Variants in UBE2J2 observed in about 807,000 individuals in gnomAD.
The protein encoded by UBE2J2 is ubiquitin conjugating enzyme E2 J2.
In UBE2J2, 5 loss-of-function variants were observed where a neutral mutation model predicts 28.6. That is an observed-to-expected ratio of 0.17 (90% confidence interval 0.09 to 0.37). UBE2J2 has a LOEUF of 0.37. Among genes scored for constraint, UBE2J2 ranks in the 10% least tolerant of loss-of-function variants. The probability of loss-of-function intolerance (pLI) is 1.00; values close to 1 mark genes in which losing one functional copy is unlikely to be tolerated. For missense variants in UBE2J2, 226 were observed against 338.9 expected, an observed-to-expected ratio of 0.67 and a Z score of 2.62; for synonymous variants, 138 against 139.7, an observed-to-expected ratio of 0.99 and a Z score of 0.09.
chr1:1,270,647 G>A (rs1208405348), intron 1 of UBE2J2, among the ~76,000 whole-genome samples: 1 of 152,160 alleles, frequency 6.6e-6, no homozygotes, highest in Non-Finnish European at 1.5e-5. Context: ...CGTGGGTCCA[G>A]AAGGTCTGAG....
chr1:1,268,824 C>T lies in UBE2J2; in HGVS notation c.1-832G>A, dbSNP rs1557567193. On this transcript the variant is annotated intron_variant, in intron 1 of 6. Transcript: ENST00000349431. This position sits in a 1 kb window ranked among gnomAD's most constrained non-coding sequence, Gnocchi z 4.7. Reference sequence around the variant, plus strand: ...TCCTGAGTAGCTGAGACTACAGACGCATGCCACCACGCCTAGCTAATTTTT... The same window carrying T: ...TCCTGAGTAGCTGAGACTACAGACGTATGCCACCACGCCTAGCTAATTTTT... Among the ~76,000 whole-genome samples the T allele has an allele frequency of 6.6e-6, 1 of 152,052 alleles. No individual in the cohort carries two copies. The highest frequency in any genetic ancestry group is 1.5e-5 in the Non-Finnish European group (1 of 68,028).
intron 2 of UBE2J2, chr1:1,266,019 G>GGGGA: frequency 7.7e-7 from 1 of 1,291,878 alleles, no homozygotes; most frequent in Non-Finnish European, 1.0e-6. Flanking sequence ...ACAGATTTGT[G>GGGGA]GGGAGGGATT....
intron 5 of UBE2J2, 103 bp downstream of exon 5, chr1:1,256,889 A>AG (rs1557549097): frequency 1.2e-3 from 192 of 157,182 alleles, no homozygotes; most frequent in Middle Eastern, 0.011. Context: ...CCGTCTCAAG[A>AG]AAAAAAAAAA....
rs1046521503 is a variant in UBE2J2 at position 1,255,002 on chromosome 1, G to A, written c.*201C>T. 5 of 540,810 alleles carry A rather than the reference G, an allele frequency of 9.2e-6. No individual in the cohort carries two copies. The highest frequency in any genetic ancestry group is 1.9e-5 in the African/African-American group (1 of 52,044). 33.5% of individuals were successfully genotyped at this position (540,810 alleles called of 1,614,324 possible). A position where few individuals can be genotyped will look rare whatever the true frequency, so the allele number is the denominator to read the frequency against. On this transcript the variant is annotated 3_prime_UTR_variant, in exon 7 of 7. Coordinates refer to ENST00000349431, the MANE Select transcript of UBE2J2 (RefSeq NM_058167.3). Reference sequence around the variant, plus strand: ...CCACCCACACCAGCCCCAGCGGCCCGTGGCCAGGACAGGGCTGAGGCTCCA... The same window carrying A: ...CCACCCACACCAGCCCCAGCGGCCCATGGCCAGGACAGGGCTGAGGCTCCA...
chr1:1,259,225 CATGT>C (rs1348303386), intron 3 of UBE2J2, among the ~76,000 whole-genome samples: 1 of 149,032 alleles, frequency 6.7e-6, no homozygotes, highest in South Asian at 2.1e-4. Flanking sequence ...CATCAGGACG[CATGT>C]ATGTGCGTGT....
rs199552671 is a variant in UBE2J2, at chr1:1,257,342, C to T, written c.173-32G>A. ...GGAAACAAAACAGAAAGGGCCTTGTCGTCCGCCACAGCAGGGGCTCCTGGA... is the reference window on the plus strand; with the variant it reads ...GGAAACAAAACAGAAAGGGCCTTGTTGTCCGCCACAGCAGGGGCTCCTGGA... On this transcript the variant is annotated intron_variant, in intron 3 of 6. Coordinates refer to ENST00000349431, the MANE Select transcript of UBE2J2 (RefSeq NM_058167.3). 291 of 1,416,524 alleles carry T rather than the reference C, an allele frequency of 2.1e-4. 2 individuals carry two copies. The African/African-American group carries it at 3.7e-3, about 18-fold the overall frequency. The allele number at this position is 1,416,524 out of a possible 1,614,324, so 87.7% of individuals were successfully genotyped here.
intron 1 of UBE2J2, among the ~76,000 whole-genome samples, chr1:1,269,158 G>A (rs1296512650): frequency 1.3e-5 from 2 of 151,186 alleles, no homozygotes; most frequent in South Asian, 2.1e-4. Flanking sequence ...ACCCGAGACT[G>A]GGGAGAGGGG....
Position 1,268,673 on chromosome 1 carries a change from G to A in UBE2J2, c.1-681C>T, listed in dbSNP as rs1639998784. Among the ~76,000 whole-genome samples, 1 of 152,144 alleles carries A rather than the reference G, an allele frequency of 6.6e-6. No homozygotes were observed. The highest frequency in any genetic ancestry group is 2.4e-5 in the African/African-American group (1 of 41,434). ...GAGGGCAGGGATAAGACTGGCCAGG[G>A]AGGCAGGGCCAGGGCATAAGAGTTT... On this transcript the variant is annotated intron_variant, in intron 1 of 6. Coordinates refer to ENST00000349431, the MANE Select transcript of UBE2J2 (RefSeq NM_058167.3). The surrounding 1 kb of genome is among the most constrained non-coding windows in gnomAD (Gnocchi z 4.7).
At position 1,254,947 on chromosome 1, in the gene UBE2J2, A is replaced by C. The variant is rs1471048044; in HGVS notation, c.*256T>G. The C allele has an allele frequency of 2.3e-6, 1 of 426,908 alleles. No individual in the cohort carries two copies. 26.4% of individuals were successfully genotyped at this position (426,908 alleles called of 1,614,324 possible). A position where few individuals can be genotyped will look rare whatever the true frequency, so the allele number is the denominator to read the frequency against. On this transcript the variant is annotated 3_prime_UTR_variant, in exon 7 of 7. Transcript: ENST00000349431. ...TAAAACAGGTCCAAAGACAACACGG[A>C]AGATAAGCTACAAATCCAGCACACA...
At chr1:1,262,247 C>T (rs1297253427) in intron 3 of UBE2J2, 2 of 446,682 alleles carry the variant, frequency 4.5e-6, no homozygotes, top group Non-Finnish European at 9.0e-6. Flanking sequence ...CCCTGGACAC[C>T]TGCTCCCGGG....
At chr1:1,263,145 G>A (rs571200388) in intron 3 of UBE2J2, 31 of 558,992 alleles carry the variant, frequency 5.5e-5, no homozygotes, top group East Asian at 4.2e-4. Context: ...AGGCGGCCCT[G>A]CAGGCTGAGA....
chr1:1,265,898 G>C (rs2101078842), intron 2 of UBE2J2, among the ~76,000 whole-genome samples: 1 of 152,236 alleles, frequency 6.6e-6, no homozygotes, highest in South Asian at 2.1e-4. Flanking sequence ...CTCCCAAAGT[G>C]CTGGGATTAC....
chr1:1,258,850 G>A (rs1271771069), intron 3 of UBE2J2, among the ~76,000 whole-genome samples: 1 of 152,200 alleles, frequency 6.6e-6, no homozygotes, highest in African/African-American at 2.4e-5. Flanking sequence ...TGGCAGCCCC[G>A]CCCCAGCCCG....
intron 3 of UBE2J2, among the ~76,000 whole-genome samples, chr1:1,259,455 C>T (rs903950910): frequency 4.6e-5 from 7 of 152,216 alleles, no homozygotes; most frequent in African/African-American, 1.4e-4. Context: ...TGCCCCAATG[C>T]GAGTCCCCAA....
rs1156272245 is a variant in UBE2J2 at position 1,255,260 on chromosome 1, C to T, written c.723G>A (p.Gly241=). The change falls in exon 7 of 7, where the codon GGG becomes GGA. Residue 241 remains glycine, a synonymous_variant. Transcript: ENST00000349431. ...TGACCGTGTAAGCAAAGGCTGCAAACCCAACTATCACAAACAAGTTCGCCA... is the reference window on the plus strand; with the variant it reads ...TGACCGTGTAAGCAAAGGCTGCAAATCCAACTATCACAAACAAGTTCGCCA... ...GALANLFVIV[G]FAAFAYTVKY... 3 of 1,612,986 alleles carry T rather than the reference C, an allele frequency of 1.9e-6. No homozygotes were observed. Among genetic ancestry groups the T allele is most frequent in the Middle Eastern group, 1.6e-4 (1 of 6,082 alleles).
intron 3 of UBE2J2, among the ~76,000 whole-genome samples, chr1:1,258,321 G>A (rs1010152426): frequency 7.2e-5 from 11 of 152,180 alleles, no homozygotes; most frequent in Middle Eastern, 3.4e-3. Context: ...GATTATAGGC[G>A]TGAGCCACCT....
intron 1 of UBE2J2, among the ~76,000 whole-genome samples, chr1:1,272,409 C>A (rs1339172756): frequency 6.6e-6 from 1 of 152,338 alleles, no homozygotes; most frequent in East Asian, 1.9e-4. Context: ...GTCCCTCACC[C>A]GTCCCTCTTT....
rs1639995790 is a variant in UBE2J2 at position 1,268,597 on chromosome 1, G to A, written c.1-605C>T. On this transcript the variant is annotated intron_variant, in intron 1 of 6. Transcript: ENST00000349431. The surrounding 1 kb of genome is among the most constrained non-coding windows in gnomAD (Gnocchi z 4.7). ...GTCTTCCTGGTAGAAGGGGCCACAG[G>A]TGAACAGGCCACACCTGAGAAAGTG... Among the ~76,000 whole-genome samples the A allele has an allele frequency of 6.6e-6, 1 of 152,208 alleles. No homozygotes were observed. Among genetic ancestry groups the A allele is most frequent in the Non-Finnish European group, 1.5e-5 (1 of 68,040 alleles).
At chr1:1,269,492 T>C (rs1640042291) in intron 1 of UBE2J2, among the ~76,000 whole-genome samples, 1 of 151,212 alleles carries the variant, frequency 6.6e-6, no homozygotes, top group Non-Finnish European at 1.5e-5. Flanking sequence ...AGAATCTCAC[T>C]GTTCGTTGCC....
Sources: gnomAD v4.1 joint callset for allele counts (sites outside exome capture counted in the v4.1 genomes callset) on GRCh38, gnomAD v4.1.1 for gene constraint, Gnocchi (gnomAD v3.1) non-coding constraint, MANE v1.5 for transcripts, NCBI Gene and HGNC (gene_info 2026-07-23, HGNC 2026-07-21) for gene names.